Variants in RPL19 observed in about 807,000 individuals in gnomAD.
RPL19 encodes the protein large ribosomal subunit protein eL19.
In RPL19, 2 loss-of-function variants were observed where a neutral mutation model predicts 25.1. The observed-to-expected ratio is 0.08, with a 90% CI of 0.03 to 0.25. RPL19 has a LOEUF of 0.25. Ranked by LOEUF, RPL19 falls within the 10% of genes least tolerant of loss-of-function variation. RPL19 has a pLI of 1.00. For synonymous variants in RPL19, 89 were observed against 91.2 expected, an observed-to-expected ratio of 0.98 and a Z score of 0.14; for missense variants, 123 against 271.8, an observed-to-expected ratio of 0.45 and a Z score of 3.85.
Position 39,201,287 on chromosome 17 carries a change from A to G in RPL19, c.80A>G (p.Asn27Ser). The G allele has an allele frequency of 1.9e-6, 3 of 1,613,064 alleles. No homozygotes were observed. Among genetic ancestry groups the G allele is most frequent in the Non-Finnish European group, 2.5e-6 (3 of 1,179,274 alleles). Residue 27 changes from asparagine to serine, a missense_variant, in exon 2 of 6, where the codon AAT becomes AGT. Coordinates refer to ENST00000225430, the MANE Select transcript of RPL19 (RefSeq NM_000981.4). The stretch of plus-strand genomic sequence containing the variant: ...AAGAAGAAGGTCTGGTTAGACCCCA[A>G]TGAGACCAATGAAATCGCCAATGCC... ...CGKKKVWLDP[N>S]ETNEIANANS... is the part of the protein sequence containing the mutation.
At chr17:39,201,061 C>A (rs983744791) in intron 1 of RPL19, 152 bp from the exon 2 acceptor site, 37 of 602,528 alleles carry the variant, frequency 6.1e-5, no homozygotes, top group South Asian at 5.4e-4. Context: ...CCCAAGGGGG[C>A]CAGCTGCATA....
At position 39,204,670 on chromosome 17, in the gene RPL19, A is replaced by T; in HGVS notation, c.*22A>T. On this transcript the variant is annotated 3_prime_UTR_variant, in exon 6 of 6. Coordinates refer to ENST00000225430, the MANE Select transcript of RPL19 (RefSeq NM_000981.4). ...ATAAAACCTCCCACTTTGTCTGTAC[A>T]TACTGGCCTCTGTGATTACATAGAT... The T allele has an allele frequency of 6.2e-7, 1 of 1,608,830 alleles. No individual in the cohort carries two copies.
rs563045395 is a variant in RPL19, at chr17:39,204,655, C to T, written c.*7C>T. On this transcript the variant is annotated 3_prime_UTR_variant, in exon 6 of 6. Coordinates refer to ENST00000225430, the MANE Select transcript of RPL19 (RefSeq NM_000981.4). ...GGAAGAGACCAAGAAATAAAACCTCCCACTTTGTCTGTACATACTGGCCTC... is the reference window on the plus strand; with the variant it reads ...GGAAGAGACCAAGAAATAAAACCTCTCACTTTGTCTGTACATACTGGCCTC... 6.2e-6 allele frequency: 10 copies of T among 1,613,716 alleles called. No homozygotes were observed. Among genetic ancestry groups the T allele is most frequent in the East Asian group, 2.2e-5 (1 of 44,886 alleles).
Position 39,200,565 on chromosome 17 carries a change from C to T in RPL19, c.5+216C>T, listed in dbSNP as rs944159853. 11 of 1,295,790 alleles carry T rather than the reference C, an allele frequency of 8.5e-6. No homozygotes were observed. The East Asian group carries it at 2.2e-4, about 26-fold the overall frequency. The allele number at this position is 1,295,790 out of a possible 1,614,324, so 80.3% of individuals were successfully genotyped here. A position where few individuals can be genotyped will look rare whatever the true frequency, so the allele number is the denominator to read the frequency against. ...AACTGAGACCAGGAAAAGTCTGCCC[C>T]GGCTGGTGCCGCACCGCACACGTGT... On this transcript the variant is annotated intron_variant, in intron 1 of 5. Transcript: ENST00000225430.
At chr17:39,202,114 T>A (rs1390792203) in intron 2 of RPL19, among the ~76,000 whole-genome samples, 1 of 152,190 alleles carries the variant, frequency 6.6e-6, no homozygotes, top group Non-Finnish European at 1.5e-5. Flanking sequence ...ACAAAGGGTA[T>A]TTCTCACAAC....
chr17:39,202,021 G>A (rs1421881765), intron 2 of RPL19, among the ~76,000 whole-genome samples: 1 of 152,194 alleles, frequency 6.6e-6, no homozygotes, highest in South Asian at 2.1e-4. Flanking sequence ...TTTAATCCCA[G>A]CTACTTGGTA....
chr17:39,200,317 C>T lies in RPL19; in HGVS notation c.-28C>T, dbSNP rs768487721. The stretch of plus-strand genomic sequence containing the variant: ...GGGAGGAGCCGGGCCCGAGCGAGCT[C>T]TTTCCTTTCGCTGCTGCGGCCGCAG... On this transcript the variant is annotated 5_prime_UTR_variant, in exon 1 of 6. Transcript: ENST00000225430. The T allele has an allele frequency of 1.2e-5, 19 of 1,548,752 alleles. No individual in the cohort carries two copies. The highest frequency in any genetic ancestry group is 6.8e-5 in the African/African-American group (5 of 73,044).
chr17:39,201,654 C>T (rs1291610913), intron 2 of RPL19, among the ~76,000 whole-genome samples: 1 of 152,134 alleles, frequency 6.6e-6, no homozygotes, highest in Non-Finnish European at 1.5e-5. Flanking sequence ...CTCACCGCAA[C>T]CTCTGCCTCC....
rs1597725853 is a variant in RPL19 at position 39,201,389 on chromosome 17, A to G, written c.112+70A>G. On this transcript the variant is annotated intron_variant, in intron 2 of 5. Coordinates refer to ENST00000225430, the MANE Select transcript of RPL19 (RefSeq NM_000981.4). Reference sequence around the variant, plus strand: ...TCCTGCGTCAGATTAATGATAACACAATTGTGTTGACTTTTTTTTTTTTTT... The same window carrying G: ...TCCTGCGTCAGATTAATGATAACACGATTGTGTTGACTTTTTTTTTTTTTT... The G allele has an allele frequency of 1.7e-5, 16 of 933,258 alleles. No homozygotes were observed. In the East Asian group the frequency reaches 3.7e-4, roughly 22 times the overall value. The allele number at this position is 933,258 out of a possible 1,614,324, so 57.8% of individuals were successfully genotyped here.
intron 1 of RPL19, chr17:39,201,002 C>CA (rs2046283119): frequency 2.0e-6 from 1 of 510,442 alleles, no homozygotes; most frequent in South Asian, 3.0e-5. Context: ...GAAATGCGAA[C>CA]ATGAGGCTCC....
rs1425019332 is a variant in RPL19, at chr17:39,204,188, G to GT, written c.467+2dup. ...ACAAGGCCCGCAAGAAGCTCCTGGC[G>GT]TAAGTTTCTTTTCAGAGTCTTAGGG... is the stretch of plus-strand genomic sequence containing the variant. On this transcript the variant is annotated splice_donor_variant, in intron 5 of 5. Transcript: ENST00000225430. LOFTEE classifies it high-confidence loss of function. The GT allele has an allele frequency of 6.3e-7, 1 of 1,581,504 alleles. No individual in the cohort carries two copies. Among genetic ancestry groups the GT allele is most frequent in the Non-Finnish European group, 8.7e-7 (1 of 1,150,494 alleles).
Position 39,202,446 on chromosome 17 carries a change from G to T in RPL19, c.235+7G>T. 1 of 1,614,152 alleles carries T rather than the reference G, an allele frequency of 6.2e-7. No homozygotes were observed. Among genetic ancestry groups the T allele is most frequent in the Non-Finnish European group, 8.5e-7 (1 of 1,179,998 alleles). The stretch of plus-strand genomic sequence containing the variant: ...GGCAGGCACATGGGCATAGGTAAGT[G>T]TGGTCATCTTCTCCTTAAGAAATGA... On this transcript the variant is annotated splice_region_variant and intron_variant, in intron 3 of 5. Transcript: ENST00000225430.
At chr17:39,203,232 A>C (rs2046303147) in intron 4 of RPL19, 123 bp downstream of exon 4, 8 of 1,020,376 alleles carry the variant, frequency 7.8e-6, no homozygotes, top group Non-Finnish European at 1.1e-5. Flanking sequence ...CCCAGGCTGG[A>C]GTGCAGTGGC....
At chr17:39,202,881 G>C in intron 3 of RPL19, 108 bp from the exon 4 acceptor site, 3 of 1,225,192 alleles carry the variant, frequency 2.4e-6, no homozygotes, top group Non-Finnish European at 3.5e-6. Flanking sequence ...AAATGAGGTT[G>C]TGAGGATTAA....
chr17:39,202,371 C>G lies in RPL19; in HGVS notation c.167C>G (p.Thr56Arg). Residue 56 changes from threonine (T) to arginine (R), a missense_variant, in exon 3 of 6, where the codon ACG (threonine) becomes AGG (arginine). Physicochemically the swap from Thr to Arg is moderately conservative, Grantham distance 71. Transcript: ENST00000225430. ...GGGCTGATCATCCGCAAGCCTGTGA[C>G]GGTCCATTCCCGGGCTCGATGCCGG... ...KDGLIIRKPV[T>R]VHSRARCRKN... 6.2e-7 allele frequency: 1 copy of G among 1,614,196 alleles called. No individual in the cohort carries two copies. The highest frequency in any genetic ancestry group is 8.5e-7 in the Non-Finnish European group (1 of 1,180,036).
In RPL19 at chr17:39,204,538, G is replaced by T; in HGVS notation, c.481G>T (p.Ala161Ser). The T allele has an allele frequency of 6.2e-7, 1 of 1,614,170 alleles. No individual in the cohort carries two copies. Among genetic ancestry groups the T allele is most frequent in the Non-Finnish European group, 8.5e-7 (1 of 1,180,010 alleles). Reference protein sequence around the residue: ...RKKLLADQAEARRSKTKEARK... With the variant: ...RKKLLADQAESRRSKTKEARK... The stretch of plus-strand genomic sequence containing the variant: ...TTCCCTGACCAGTGACCAGGCTGAG[G>T]CCCGCAGGTCTAAGACCAAGGAAGC... The change falls in exon 6 of 6, where the codon GCC (alanine) becomes TCC (serine). Residue 161 changes from alanine to serine, a missense_variant. Physicochemically the swap from Ala to Ser is moderately conservative, Grantham distance 99 (BLOSUM62 1). Coordinates refer to ENST00000225430, the MANE Select transcript of RPL19 (RefSeq NM_000981.4).
chr17:39,201,383 T>TA (rs2046287393), intron 2 of RPL19, 64 bp downstream of exon 2: 1 of 986,920 alleles, frequency 1.0e-6, no homozygotes, highest in Non-Finnish European at 1.6e-6. Flanking sequence ...AGATTAATGA[T>TA]AACACAATTG....
intron 2 of RPL19, 104 bp downstream of exon 2, chr17:39,201,423 T>G: frequency 1.4e-6 from 1 of 696,838 alleles, no homozygotes; most frequent in South Asian, 1.8e-5. Flanking sequence ...TTTTAGACAG[T>G]CTTGCTCTGT....
At chr17:39,200,474 TTGGGGTA>T in intron 1 of RPL19, 125 bp downstream of exon 1, 1 of 1,323,652 alleles carries the variant, frequency 7.6e-7, no homozygotes, top group Non-Finnish European at 9.7e-7. Flanking sequence ...GTCCCGGGGT[TTGGGGTA>T]GGCCGGAGCA....
Sources: allele counts gnomAD v4.1 joint callset (sites outside exome capture counted in the v4.1 genomes callset), GRCh38; gene constraint gnomAD v4.1.1; transcripts MANE v1.5; gene names NCBI Gene and HGNC (gene_info 2026-07-23, HGNC 2026-07-21).